UNC13C: variants seen among roughly 807,000 people sequenced by gnomAD.
The protein encoded by UNC13C is protein unc-13 homolog C.
In UNC13C, 174 loss-of-function variants were observed where a neutral mutation model predicts 245.4. That is an observed-to-expected ratio of 0.71 (90% confidence interval 0.63 to 0.80). The LOEUF is 0.80. Ranked by LOEUF, UNC13C falls within the 30% of genes least tolerant of loss-of-function variation. The pLI, the probability that UNC13C is intolerant of heterozygous loss-of-function variation, is 0.00. For synonymous variants in UNC13C, 992 were observed against 895.1 expected (o/e 1.11, Z -1.93); for missense variants, 2,829 against 2,602.9 (o/e 1.09, Z -1.89).
chr15:53,876,853 G>C, the UNC13C span, among the ~76,000 whole-genome samples: 3 of 152,122 alleles, frequency 2.0e-5, no homozygotes, highest in African/African-American at 7.2e-5. Flanking sequence ...AGATAAAGAA[G>C]GCTTTCTATT....
intron 2 of UNC13C, among the ~76,000 whole-genome samples, chr15:54,117,608 G>T (rs1038848140): frequency 2.7e-5 from 4 of 147,694 alleles, no homozygotes; most frequent in Admixed American, 1.4e-4. Flanking sequence ...TACAGACAGG[G>T]TCTCACTCTG....
At chr15:54,132,520 G>A (rs1290596300) in intron 2 of UNC13C, among the ~76,000 whole-genome samples, 1 of 152,156 alleles carries the variant, frequency 6.6e-6, no homozygotes, top group Non-Finnish European at 1.5e-5. Flanking sequence ...TACTTCCTCT[G>A]ACCTGGAAGC....
At chr15:54,514,245 G>T (rs1329980301) in intron 24 of UNC13C, among the ~76,000 whole-genome samples, 1 of 152,078 alleles carries the variant, frequency 6.6e-6, no homozygotes, top group African/African-American at 2.4e-5. Flanking sequence ...GAAAATTACA[G>T]AATTCACCCT....
At chr15:54,547,435 T>C (rs556136190) in intron 27 of UNC13C, among the ~76,000 whole-genome samples, 1 of 152,344 alleles carries the variant, frequency 6.6e-6, no homozygotes, top group Admixed American at 6.5e-5. Flanking sequence ...TCTGTTCACA[T>C]ATCCTGAGCC....
At chr15:54,606,057 A>G (rs1359397379) in intron 30 of UNC13C, among the ~76,000 whole-genome samples, 1 of 152,224 alleles carries the variant, frequency 6.6e-6, no homozygotes, top group South Asian at 2.1e-4. Flanking sequence ...CTGGTGAGAA[A>G]GACTTTGCAA....
the UNC13C span, among the ~76,000 whole-genome samples, chr15:53,854,937 T>C: frequency 6.6e-6 from 1 of 152,206 alleles, no homozygotes; most frequent in South Asian, 2.1e-4. Flanking sequence ...ACATGGAATA[T>C]TTTTCCATTA....
At chr15:54,186,837 ATATATATG>A in intron 4 of UNC13C, among the ~76,000 whole-genome samples, 1 of 93,482 alleles carries the variant, frequency 1.1e-5, no homozygotes, top group African/African-American at 3.4e-5. Flanking sequence ...AAAGAACATA[ATATATATG>A]TATATATATA....
At chr15:54,103,976 C>T (rs1428346698) in intron 2 of UNC13C, among the ~76,000 whole-genome samples, 1 of 152,230 alleles carries the variant, frequency 6.6e-6, no homozygotes, top group South Asian at 2.1e-4. Context: ...ATCTCTTGAC[C>T]TCGTGATCTG....
chr15:54,380,481 A>C (rs1013436614), intron 17 of UNC13C, among the ~76,000 whole-genome samples: 2 of 152,196 alleles, frequency 1.3e-5, no homozygotes, highest in African/African-American at 4.8e-5. Flanking sequence ...TCTTTTGGAT[A>C]TATATACAGT....
chr15:54,358,335 G>GT (rs2039145579), intron 17 of UNC13C, among the ~76,000 whole-genome samples: 1 of 151,988 alleles, frequency 6.6e-6, no homozygotes, highest in African/African-American at 2.4e-5. Flanking sequence ...TTTAGGATTG[G>GT]TTTTTCTATT....
intron 13 of UNC13C, among the ~76,000 whole-genome samples, chr15:54,313,538 G>T (rs745597945): frequency 9.2e-5 from 14 of 151,544 alleles, no homozygotes; most frequent in Non-Finnish European, 1.9e-4. Context: ...AATTCAACTT[G>T]TTTTTTTATT....
intron 2 of UNC13C, among the ~76,000 whole-genome samples, chr15:54,089,661 T>A (rs4371103): frequency 1.0e-4 from 1 of 9,812 alleles, no homozygotes; most frequent in Non-Finnish European, 3.3e-4. Context: ...TTCCAATATC[T>A]TTTTTTTTTT....
intron 30 of UNC13C, among the ~76,000 whole-genome samples, chr15:54,617,324 T>A (rs148778124): frequency 6.6e-6 from 1 of 152,202 alleles, no homozygotes; most frequent in Non-Finnish European, 1.5e-5. Flanking sequence ...GGTCAAAATT[T>A]GCTTTTTCCT....
the UNC13C span, among the ~76,000 whole-genome samples, chr15:53,858,943 G>T: frequency 7.0e-6 from 1 of 143,298 alleles, no homozygotes; most frequent in African/African-American, 2.6e-5. Context: ...TATTTTACTT[G>T]ATATTAAAAT....
chr15:54,532,047 G>C (rs62022419), intron 25 of UNC13C, among the ~76,000 whole-genome samples: 2 of 152,090 alleles, frequency 1.3e-5, no homozygotes, highest in African/African-American at 4.8e-5. Context: ...TATGTTCAGG[G>C]GTATATGTGC....
Position 54,342,757 on chromosome 15 carries a change from T to C in UNC13C, c.4713+4268T>C, listed in dbSNP as rs538360027. On this transcript the variant is annotated intron_variant, in intron 17 of 32. Coordinates refer to ENST00000260323, the MANE Select transcript of UNC13C (RefSeq NM_001080534.3). The stretch of plus-strand genomic sequence containing the variant: ...TTTTAGCTAGGTTTCATATAGTATA[T>C]TTCTGGGGTCACTGTTTTTTGTTTT... 3.9e-5 allele frequency among the ~76,000 whole-genome samples: 6 copies of C among 152,212 alleles called. No individual in the cohort carries two copies. In the East Asian group the frequency reaches 5.8e-4, roughly 15 times the overall value.
chr15:54,529,675 T>G (rs1475786015), intron 25 of UNC13C, among the ~76,000 whole-genome samples: 1 of 152,212 alleles, frequency 6.6e-6, no homozygotes, highest in African/African-American at 2.4e-5. Flanking sequence ...TCTGAGGAAT[T>G]TATGCACTTA....
intron 2 of UNC13C, among the ~76,000 whole-genome samples, chr15:54,081,162 T>C (rs66814499): frequency 0.47 from 71,136 of 151,906 alleles, 18,573 homozygotes; most frequent in Non-Finnish European, 0.6. Context: ...TTTTGTGGTC[T>C]GATAATATGC....
chr15:53,868,026 G>C, the UNC13C span, among the ~76,000 whole-genome samples: 1 of 151,998 alleles, frequency 6.6e-6, no homozygotes, highest in Non-Finnish European at 1.5e-5. Flanking sequence ...GTAGAGGAGG[G>C]GTCTACCTAT....
Sources: gnomAD v4.1 joint callset for allele counts (sites outside exome capture counted in the v4.1 genomes callset) on GRCh38, gnomAD v4.1.1 for gene constraint, MANE v1.5 for transcripts, NCBI Gene and HGNC (gene_info 2026-07-23, HGNC 2026-07-21) for gene names.